The following COL27A1 variants were observed in gnomAD, a reference collection of about 807,000 sequenced individuals.
COL27A1 encodes the protein collagen alpha-1(XXVII) chain.
A neutral mutation model predicts 251.3 loss-of-function variants in COL27A1; 106 were observed. The ratio of observed to expected loss-of-function variants is 0.42; its 90% CI spans 0.36 to 0.50. The LOEUF is 0.50. Ranked by LOEUF, COL27A1 falls within the 20% of genes least tolerant of loss-of-function variation. The probability of loss-of-function intolerance (pLI) is 0.00; values close to 1 mark genes in which losing one functional copy is unlikely to be tolerated. For synonymous variants in COL27A1, 1,000 were observed against 986.3 expected, an observed-to-expected ratio of 1.01 and a Z score of -0.26; for missense variants, 2,325 against 2,522.8, an observed-to-expected ratio of 0.92 and a Z score of 1.68.
chr9:114,306,764 C>T (rs1564594255), intron 58 of COL27A1, 76 bp downstream of exon 58: 32 of 1,528,396 alleles, frequency 2.1e-5, no homozygotes, highest in Middle Eastern at 1.9e-4. Flanking sequence ...TGATTTCCGC[C>T]GCATTTTGGC....
intron 41 of COL27A1, 129 bp from the exon 42 acceptor site, chr9:114,288,326 C>A: frequency 1.1e-6 from 1 of 940,684 alleles, no homozygotes; most frequent in South Asian, 1.4e-5. Flanking sequence ...CCTTCCCTCT[C>A]TAGTTTGTGT....
At chr9:114,281,436 G>A (rs1835896059) in intron 37 of COL27A1, among the ~76,000 whole-genome samples, 1 of 152,260 alleles carries the variant, frequency 6.6e-6, no homozygotes, top group Admixed American at 6.5e-5. Context: ...GATCAGGCCG[G>A]AGGATCTCTT....
chr9:114,270,851 C>A lies in COL27A1; in HGVS notation c.3609+70C>A. The A allele has an allele frequency of 5.2e-6, 6 of 1,158,200 alleles. No individual in the cohort carries two copies. The South Asian group carries it at 7.5e-5, about 14-fold the overall frequency. The allele number at this position is 1,158,200 out of a possible 1,614,324, so 71.7% of individuals were successfully genotyped here. A position where few individuals can be genotyped will look rare whatever the true frequency, so the allele number is the denominator to read the frequency against. ...TTGCTTTCCCATCCAAGACCTAAGT[C>A]TCCTCCCAGAAACACTGTGTTCCCA... On this transcript the variant is annotated intron_variant, in intron 36 of 60. Coordinates refer to ENST00000356083, the MANE Select transcript of COL27A1 (RefSeq NM_032888.4).
chr9:114,179,399 C>T (rs575486449), intron 4 of COL27A1, among the ~76,000 whole-genome samples: 1 of 152,300 alleles, frequency 6.6e-6, no homozygotes, highest in East Asian at 1.9e-4. Context: ...CAGCCTGGGA[C>T]CAGGATGAGG....
intron 49 of COL27A1, among the ~76,000 whole-genome samples, chr9:114,299,394 T>A (rs1378742605): frequency 6.6e-6 from 1 of 152,166 alleles, no homozygotes; most frequent in Non-Finnish European, 1.5e-5. Flanking sequence ...CCCCCAGCCC[T>A]CCCTTCTTGG....
chr9:114,289,708 C>T lies in COL27A1; in HGVS notation c.4207-350C>T, dbSNP rs559252200. Among the ~76,000 whole-genome samples, 517 of 152,238 alleles carry T rather than the reference C, an allele frequency of 3.4e-3. 3 individuals are homozygous for T. Among genetic ancestry groups the T allele is most frequent in the African/African-American group, 0.012 (500 of 41,558 alleles). ...GCCTTCCCCCAGCCCCCAGACTGGGCCAGTGCTCTCTTAATGCTCTTTCCC... is the reference window on the plus strand; with the variant it reads ...GCCTTCCCCCAGCCCCCAGACTGGGTCAGTGCTCTCTTAATGCTCTTTCCC... On this transcript the variant is annotated intron_variant, in intron 45 of 60. Transcript: ENST00000356083.
chr9:114,310,436 T>G (rs1829368375), intron 60 of COL27A1, 113 bp from the exon 61 acceptor site: 48 of 1,168,058 alleles, frequency 4.1e-5, no homozygotes, highest in Middle Eastern at 2.1e-4. Flanking sequence ...ATTGCTACAA[T>G]GAAATACAGT....
intron 10 of COL27A1, among the ~76,000 whole-genome samples, chr9:114,207,416 C>T (rs1412966750): frequency 6.6e-6 from 1 of 152,170 alleles, no homozygotes; most frequent in Admixed American, 6.5e-5. Flanking sequence ...TCCCATGGGC[C>T]ATTCCCCCAG....
rs201559884 is a variant in COL27A1, at chr9:114,309,401, C to T, written c.5359C>T (p.Arg1787Cys). Reference sequence around the variant, plus strand: ...GCAGACCCCAGCCAAGCAGGCCGTACGCTTCCGGGCCTGGAATGGACAGAT... The same window carrying T: ...GCAGACCCCAGCCAAGCAGGCCGTATGCTTCCGGGCCTGGAATGGACAGAT... Reference protein sequence around the residue: ...TGQTPAKQAVRFRAWNGQIFE... With the variant: ...TGQTPAKQAVCFRAWNGQIFE... The change falls in exon 60 of 61, where the codon CGC becomes TGC. Residue 1787 changes from arginine (R) to cysteine (C), a missense_variant. Around this residue, in one of 4 missense-constraint regions of COL27A1, gnomAD observed 327 missense variants for 442.8 expected, o/e 0.74. Transcript: ENST00000356083. The T allele has an allele frequency of 1.3e-5, 21 of 1,614,110 alleles. No homozygotes were observed. Among genetic ancestry groups the T allele is most frequent in the South Asian group, 3.3e-5 (3 of 91,080 alleles).
intron 1 of COL27A1, among the ~76,000 whole-genome samples, chr9:114,159,053 GA>G (rs1344466509): frequency 2.0e-5 from 3 of 152,210 alleles, no homozygotes; most frequent in Admixed American, 6.5e-5. Flanking sequence ...CTATACTTGG[GA>G]AGTTTATGGG....
intron 14 of COL27A1, among the ~76,000 whole-genome samples, chr9:114,225,005 T>C (rs1446840928): frequency 6.6e-6 from 1 of 152,226 alleles, no homozygotes; most frequent in Non-Finnish European, 1.5e-5. Flanking sequence ...AGATAAAATA[T>C]GACACCTAGT....
intron 49 of COL27A1, among the ~76,000 whole-genome samples, chr9:114,298,134 TAAA>T (rs35546102): frequency 7.8e-5 from 11 of 141,142 alleles, no homozygotes; most frequent in South Asian, 2.2e-4. Context: ...GACCCCATCT[TAAA>T]AAAAAAAAAA....
In COL27A1 at chr9:114,267,548, C is replaced by T. The variant is rs145938099; in HGVS notation, c.3492C>T (p.Ala1164=). The change falls in exon 34 of 61, where the codon GCC becomes GCT. Residue 1164 remains alanine (A), a synonymous_variant. Transcript: ENST00000356083. ...AVGEPGLPGE[A]GMKGDLGPLG... is the part of the protein sequence containing the mutation. ...GAGAACCGGGCCTTCCTGGGGAAGCCGGGATGAAGGTGAGGTGGGATGAAA... is the reference window on the plus strand; with the variant it reads ...GAGAACCGGGCCTTCCTGGGGAAGCTGGGATGAAGGTGAGGTGGGATGAAA... The T allele has an allele frequency of 4.4e-5, 70 of 1,589,294 alleles. No individual in the cohort carries two copies. Among genetic ancestry groups the T allele is most frequent in the Non-Finnish European group, 5.8e-5 (68 of 1,171,226 alleles).
chr9:114,163,149 G>A (rs1297911131), intron 2 of COL27A1, among the ~76,000 whole-genome samples: 2 of 152,066 alleles, frequency 1.3e-5, no homozygotes, highest in African/African-American at 2.4e-5. Context: ...CAGGAGAATC[G>A]CTTCAACCCA....
chr9:114,243,449 G>T, intron 22 of COL27A1, 58 bp from the exon 23 acceptor site: 1 of 1,477,376 alleles, frequency 6.8e-7, no homozygotes, highest in South Asian at 1.1e-5. Flanking sequence ...GGAGCCCCTG[G>T]ACCCCAGCCA....
rs527339865 is a variant in COL27A1 at position 114,287,734 on chromosome 9, C to G, written c.3988-721C>G. 2.3e-3 allele frequency among the ~76,000 whole-genome samples: 347 copies of G among 152,284 alleles called. 1 individual carries two copies. The highest frequency in any genetic ancestry group is 8.3e-3 in the African/African-American group (343 of 41,564). On this transcript the variant is annotated intron_variant, in intron 41 of 60. Transcript: ENST00000356083. The stretch of plus-strand genomic sequence containing the variant: ...CTTATGGACACAGCCCCCATGCTGA[C>G]TGGCTGCCAAGTGCCACCTGGGGCT...
Position 114,193,735 on chromosome 9 carries a change from C to T in COL27A1, c.2017-669C>T, listed in dbSNP as rs147850428. Among the ~76,000 whole-genome samples, 299 of 152,142 alleles carry T rather than the reference C, an allele frequency of 2.0e-3. 5 individuals are homozygous for T. The highest frequency in any genetic ancestry group is 5.0e-3 in the South Asian group (24 of 4,808). On this transcript the variant is annotated intron_variant, in intron 5 of 60. Coordinates refer to ENST00000356083, the MANE Select transcript of COL27A1 (RefSeq NM_032888.4). ...GTAAGTGGCTGTTCGTGCATTGAAC[C>T]TCATGTAGAGACCCATGAAATGGAT...
chr9:114,289,433 C>A, intron 45 of COL27A1, 138 bp downstream of exon 45: 2 of 751,168 alleles, frequency 2.7e-6, no homozygotes, highest in Non-Finnish European at 4.3e-6. Context: ...AGGAGCCCGG[C>A]AGGCTGCTTC....
intron 58 of COL27A1, 93 bp from the exon 59 acceptor site, chr9:114,307,576 G>A (rs892398692): frequency 5.8e-6 from 5 of 859,214 alleles, no homozygotes; most frequent in South Asian, 2.8e-5. Flanking sequence ...CCTGGGGCTC[G>A]GCAGGTCACA....
Sources: gnomAD v4.1 joint callset for allele counts (sites outside exome capture counted in the v4.1 genomes callset) on GRCh38, gnomAD v4.1.1 for gene constraint, gnomAD v4.1.1 regional missense constraint, MANE v1.5 for transcripts, NCBI Gene and HGNC (gene_info 2026-07-23, HGNC 2026-07-21) for gene names.